Variants in DGKH observed in about 807,000 individuals in gnomAD.
DGKH encodes diacylglycerol kinase eta, also known as DAG kinase eta.
DGKH carries 90 observed loss-of-function variants against 159.3 expected under a neutral mutation model. That is an observed-to-expected ratio of 0.57 (90% confidence interval 0.48 to 0.67). The LOEUF (loss-of-function observed/expected upper bound fraction) is 0.67. Ranked by LOEUF, DGKH falls within the 30% of genes least tolerant of loss-of-function variation. The pLI, the probability that DGKH is intolerant of heterozygous loss-of-function variation, is 0.00. For missense variants in DGKH, 1,181 were observed against 1,506.1 expected (o/e 0.78, Z 3.57); for synonymous variants, 536 against 553.8 (o/e 0.97, Z 0.45).
At chr13:42,177,846 G>A in intron 12 of DGKH, among the ~76,000 whole-genome samples, 1 of 151,800 alleles carries the variant, frequency 6.6e-6, no homozygotes, top group Non-Finnish European at 1.5e-5. Context: ...GGCTTTTATT[G>A]TACTACTTTG....
At chr13:42,157,660 A>G (rs1045707026) in intron 5 of DGKH, among the ~76,000 whole-genome samples, 4 of 152,232 alleles carry the variant, frequency 2.6e-5, no homozygotes, top group African/African-American at 7.2e-5. Flanking sequence ...ACACTCATTT[A>G]TAACAAAAAT....
chr13:42,211,146 T>A (rs1264138917), intron 24 of DGKH, among the ~76,000 whole-genome samples: 1 of 152,026 alleles, frequency 6.6e-6, no homozygotes, highest in African/African-American at 2.4e-5. Context: ...AGAAAAGAGA[T>A]AAAAAGCAAG....
At chr13:42,184,679 C>A (rs1279073714) in intron 13 of DGKH, among the ~76,000 whole-genome samples, 2 of 151,882 alleles carry the variant, frequency 1.3e-5, no homozygotes, top group Admixed American at 6.6e-5. Flanking sequence ...TGGGGCGACA[C>A]AGAGAGACTA....
chr13:42,190,491 A>G lies in DGKH; in HGVS notation c.2001A>G (p.Glu667=). 1.2e-6 allele frequency: 2 copies of G among 1,606,788 alleles called. No individual in the cohort carries two copies. The highest frequency in any genetic ancestry group is 1.7e-6 in the Non-Finnish European group (2 of 1,177,438). ...DSTETDESKE[E]AKDDGAKESI... ...CAGAAACAGATGAATCTAAGGAGGAAGCTAAAGATGATGGTGCCAAAGAAT... is the reference window on the plus strand; with the variant it reads ...CAGAAACAGATGAATCTAAGGAGGAGGCTAAAGATGATGGTGCCAAAGAAT... Residue 667 remains glutamate (E), a synonymous_variant, in exon 16 of 30, where the codon GAA becomes GAG. Coordinates refer to ENST00000337343, the MANE Select transcript of DGKH (RefSeq NM_178009.5).
chr13:42,063,058 C>A (rs749373985), intron 1 of DGKH, among the ~76,000 whole-genome samples: 2 of 151,926 alleles, frequency 1.3e-5, no homozygotes, highest in Non-Finnish European at 2.9e-5. Context: ...GAGTGCATTG[C>A]AGAATATTAA....
At chr13:42,219,380 A>G in intron 27 of DGKH, 31 bp downstream of exon 27, 2 of 1,610,448 alleles carry the variant, frequency 1.2e-6, no homozygotes, top group Non-Finnish European at 1.7e-6. Context: ...TTCTCTAGAA[A>G]TGTAGACCAT....
chr13:42,196,870 A>T (rs1957214113), intron 17 of DGKH, among the ~76,000 whole-genome samples: 1 of 152,248 alleles, frequency 6.6e-6, no homozygotes, highest in African/African-American at 2.4e-5. Flanking sequence ...TCAGGTTTAG[A>T]TGCTGTGTTT....
At chr13:42,066,748 T>C (rs1316872026) in intron 1 of DGKH, 1 of 152,318 alleles carries the variant, frequency 6.6e-6, no homozygotes, top group Admixed American at 6.5e-5. Context: ...TTTGTACTTT[T>C]TGTTGATGAT....
Position 42,053,548 on chromosome 13 carries a change from C to CTA in DGKH, c.192+4589_192+4590dup, listed in dbSNP as rs1304130769. ...TATAACTATATATGTATATATATAA[C>CTA]TATATATGTATATATATAACTATAT... is the stretch of plus-strand genomic sequence containing the variant. On this transcript the variant is annotated intron_variant, in intron 1 of 29. Transcript: ENST00000337343. Among the ~76,000 whole-genome samples, 15 of 97,874 alleles carry CTA rather than the reference C, an allele frequency of 1.5e-4. No individual in the cohort carries two copies. In the South Asian group the frequency reaches 2.6e-3, roughly 17 times the overall value. 64.2% of individuals were successfully genotyped at this position (97,874 alleles called of 152,430 possible). A position where few individuals can be genotyped will look rare whatever the true frequency, so the allele number is the denominator to read the frequency against.
intron 18 of DGKH, among the ~76,000 whole-genome samples, chr13:42,199,212 A>AAGAG (rs990055675): frequency 1.3e-5 from 2 of 152,014 alleles, no homozygotes; most frequent in Non-Finnish European, 2.9e-5. Flanking sequence ...AATGATAAAA[A>AAGAG]AGAGAGAGAG....
intron 3 of DGKH, chr13:42,138,106 C>G: frequency 1.0e-6 from 1 of 985,376 alleles, no homozygotes; most frequent in Non-Finnish European, 1.2e-6. Context: ...GAAGAGAGTT[C>G]TCAGAGCAGA....
intron 3 of DGKH, among the ~76,000 whole-genome samples, chr13:42,146,034 CA>C (rs1462208332): frequency 1.3e-5 from 2 of 151,628 alleles, no homozygotes; most frequent in Non-Finnish European, 2.9e-5. Flanking sequence ...AATTACTCAA[CA>C]ATATTATTAG....
chr13:42,116,029 A>G (rs909466573), intron 1 of DGKH, among the ~76,000 whole-genome samples: 1 of 152,194 alleles, frequency 6.6e-6, no homozygotes, highest in African/African-American at 2.4e-5. Flanking sequence ...TAATATCTTG[A>G]CATGCCATGT....
At chr13:42,052,152 A>G (rs1881371272) in intron 1 of DGKH, among the ~76,000 whole-genome samples, 1 of 152,130 alleles carries the variant, frequency 6.6e-6, no homozygotes, top group Admixed American at 6.5e-5. Flanking sequence ...TTCATAGTGG[A>G]TTTGATGGTT....
At chr13:42,191,177 C>T (rs1303191285) in intron 16 of DGKH, among the ~76,000 whole-genome samples, 6 of 151,842 alleles carry the variant, frequency 4.0e-5, no homozygotes, top group Non-Finnish European at 8.8e-5. Flanking sequence ...TTGTATATTG[C>T]CTAAGGGAAA....
chr13:42,222,270 T>C lies in DGKH; in HGVS notation c.3573+876T>C, dbSNP rs1449761381. 2.0e-5 allele frequency among the ~76,000 whole-genome samples: 3 copies of C among 152,230 alleles called. No homozygotes were observed. In the East Asian group the frequency reaches 5.8e-4, roughly 29 times the overall value. ...GATCCCTTTCATGTAGACCAAGTTC[T>C]AAAATGCATTAAATTTTATCATAAT... On this transcript the variant is annotated intron_variant, in intron 29 of 29. Transcript: ENST00000337343.
At position 42,162,482 on chromosome 13, in the gene DGKH, C is replaced by T. The variant is rs145938218; in HGVS notation, c.855+2346C>T. ...GAGCTGAGATTGCACCATTCCACTC[C>T]AGCCTGGGCAACAAGAGCAAAACAT... is the stretch of plus-strand genomic sequence containing the variant. On this transcript the variant is annotated intron_variant, in intron 7 of 29. Transcript: ENST00000337343. Among the ~76,000 whole-genome samples, 942 of 152,158 alleles carry T rather than the reference C, an allele frequency of 6.2e-3. 5 individuals carry two copies. The highest frequency in any genetic ancestry group is 0.02 in the Middle Eastern group (6 of 294).
intron 30 of DGKH, among the ~76,000 whole-genome samples, chr13:42,255,604 A>G (rs1337364374): frequency 2.0e-5 from 3 of 152,216 alleles, no homozygotes; most frequent in Non-Finnish European, 4.4e-5. Flanking sequence ...GTTGGTGGTT[A>G]AAAATTAAGA....
chr13:42,101,182 A>G (rs1268969836), intron 1 of DGKH, among the ~76,000 whole-genome samples: 2 of 152,200 alleles, frequency 1.3e-5, no homozygotes, highest in East Asian at 3.8e-4. Flanking sequence ...TTATGCTCGC[A>G]TATGTTGATG....
Sources: allele counts gnomAD v4.1 joint callset (sites outside exome capture counted in the v4.1 genomes callset), GRCh38; gene constraint gnomAD v4.1.1; transcripts MANE v1.5; gene names NCBI Gene and HGNC (gene_info 2026-07-23, HGNC 2026-07-21).